Variants in NOL4L observed in about 807,000 individuals in gnomAD.
NOL4L encodes nucleolar protein 4-like.
Under a neutral mutation model 64.5 loss-of-function variants are expected in NOL4L, and 7 were observed. The observed-to-expected ratio is 0.11, with a 90% CI of 0.06 to 0.20. NOL4L has a LOEUF of 0.20. Among genes scored for constraint, NOL4L ranks in the 10% least tolerant of loss-of-function variants. The probability of loss-of-function intolerance (pLI) is 1.00; values close to 1 mark genes in which losing one functional copy is unlikely to be tolerated. For synonymous variants in NOL4L, 413 were observed against 401.0 expected (o/e 1.03, Z -0.36); for missense variants, 680 against 967.1 (o/e 0.70, Z 3.94).
intron 1 of NOL4L, among the ~76,000 whole-genome samples, chr20:32,544,337 A>T (rs2145600389): frequency 6.6e-6 from 1 of 151,888 alleles, no homozygotes; most frequent in Non-Finnish European, 1.5e-5. Flanking sequence ...AGGGGTACAA[A>T]GAGGCATGGG....
intron 2 of NOL4L, among the ~76,000 whole-genome samples, chr20:32,521,990 C>G (rs549281628): frequency 1.3e-5 from 2 of 152,372 alleles, no homozygotes; most frequent in South Asian, 4.1e-4. Flanking sequence ...GCGCTTGGCC[C>G]CGCCTTCCCA....
At chr20:32,494,253 G>GAAAAAAAA (rs566317193) in intron 4 of NOL4L, among the ~76,000 whole-genome samples, 2 of 22,058 alleles carry the variant, frequency 9.1e-5, no homozygotes, top group Non-Finnish European at 1.8e-4. Flanking sequence ...ATAATCTCGG[G>GAAAAAAAA]AAAAAAAAAA....
At position 32,447,616 on chromosome 20, in the gene NOL4L, G is replaced by T; in HGVS notation, c.2023C>A (p.Leu675Ile). ...LLRSADELENLILQQN is the reference protein window; with the variant it reads ...LLRSADELENIILQQN ...TGGGGTCAGTTCTGCTGTAGGATGA[G>T]GTTTTCCAGTTCATCTGCAGAGCGC... Residue 675 changes from leucine (L) to isoleucine (I), a missense_variant, in exon 11 of 11, where the codon CTC becomes ATC. Physicochemically the swap from Leu to Ile is conservative, Grantham distance 5 (BLOSUM62 2). Around this residue, in one of 4 missense-constraint regions of NOL4L, gnomAD observed 175 missense variants for 227.0 expected, o/e 0.77. Transcript: ENST00000621426. 1 of 1,604,088 alleles carries T rather than the reference G, an allele frequency of 6.2e-7. No individual in the cohort carries two copies. Among genetic ancestry groups the T allele is most frequent in the Non-Finnish European group, 8.5e-7 (1 of 1,179,274 alleles).
chr20:32,536,945 G>T, intron 1 of NOL4L: 1 of 550,348 alleles, frequency 1.8e-6, no homozygotes, highest in Non-Finnish European at 2.3e-6. Context: ...CTCACCTGGA[G>T]ACCGCGCCCG....
In NOL4L at chr20:32,468,225, C is replaced by T. The variant is rs536504897; in HGVS notation, c.841+6376G>A. On this transcript the variant is annotated intron_variant, in intron 5 of 10. Transcript: ENST00000621426. ...GCCTACAGGATGCCACATATTGGGCCCGACCACTCCATCCTCCCAGAACCC... is the reference window on the plus strand; with the variant it reads ...GCCTACAGGATGCCACATATTGGGCTCGACCACTCCATCCTCCCAGAACCC... Among the ~76,000 whole-genome samples, 6 of 152,266 alleles carry T rather than the reference C, an allele frequency of 3.9e-5. No individual in the cohort carries two copies. The South Asian group carries it at 1.2e-3, about 32-fold the overall frequency.
rs1212338485 is a variant in NOL4L, at chr20:32,584,840, G to A, written c.51C>T (p.Ser17=). Residue 17 remains serine, a synonymous_variant, in exon 1 of 11, where the codon AGC becomes AGT. Coordinates refer to ENST00000621426, the MANE Select transcript of NOL4L (RefSeq NM_001256798.2). ...GGCGGCCCAGCTCCGAGTCCCCGGG[G>A]CTGCGCTCGCGCTCCCAGCCCCCGC... is the stretch of plus-strand genomic sequence containing the variant. ...LLRGGWERER[S]PGDSELGRQF... The A allele has an allele frequency of 1.4e-6, 2 of 1,475,536 alleles. No individual in the cohort carries two copies. The highest frequency in any genetic ancestry group is 1.8e-6 in the Non-Finnish European group (2 of 1,110,618). The allele number at this position is 1,475,536 out of a possible 1,614,324, so 91.4% of individuals were successfully genotyped here. A position where few individuals can be genotyped will look rare whatever the true frequency, so the allele number is the denominator to read the frequency against.
chr20:32,557,225 TC>T (rs1978711674), intron 1 of NOL4L, among the ~76,000 whole-genome samples: 1 of 152,194 alleles, frequency 6.6e-6, no homozygotes, highest in Non-Finnish European at 1.5e-5. Flanking sequence ...CGAAGCAGCC[TC>T]CCCGCTACCG....
chr20:32,447,876 G>A, intron 10 of NOL4L, 60 bp from the exon 11 acceptor site: 5 of 1,510,734 alleles, frequency 3.3e-6, no homozygotes, highest in Non-Finnish European at 4.4e-6. Context: ...TCTGGGAGGT[G>A]TACCTTCCTT....
At chr20:32,521,498 G>A (rs941482289) in intron 2 of NOL4L, among the ~76,000 whole-genome samples, 6 of 152,146 alleles carry the variant, frequency 3.9e-5, no homozygotes, top group Non-Finnish European at 8.8e-5. Context: ...GGCTTGGAGA[G>A]GTGAGCTGAC....
At chr20:32,535,879 TACTGTCCAGCATCCCCGG>T (rs2018505019) in intron 1 of NOL4L, 1 of 983,448 alleles carries the variant, frequency 1.0e-6, no homozygotes, top group Admixed American at 6.2e-5. Flanking sequence ...GAGGGAGGAG[TACTGTCCAGCATCCCCGG>T]ACGGACAGGC....
intron 1 of NOL4L, among the ~76,000 whole-genome samples, chr20:32,562,264 C>T (rs1979071686): frequency 6.6e-6 from 1 of 152,194 alleles, no homozygotes; most frequent in African/African-American, 2.4e-5. Flanking sequence ...ACCCGCCCAT[C>T]AGGCTTCCGG....
At chr20:32,527,201 CTTG>C (rs1444997535) in intron 2 of NOL4L, among the ~76,000 whole-genome samples, 2 of 152,142 alleles carry the variant, frequency 1.3e-5, no homozygotes, top group Non-Finnish European at 2.9e-5. Flanking sequence ...TCTCATGTAT[CTTG>C]TTTTTGCTCT....
At chr20:32,461,977 C>T (rs773055265) in intron 5 of NOL4L, among the ~76,000 whole-genome samples, 5 of 151,936 alleles carry the variant, frequency 3.3e-5, no homozygotes, top group Admixed American at 6.5e-5. Context: ...TTCCTGGGCT[C>T]GCCGGGGTGA....
At position 32,579,222 on chromosome 20, in the gene NOL4L, G is replaced by A. The variant is rs369012737; in HGVS notation, c.321+5348C>T. ...CATAGATGCCGACAAACACGCAGAG[G>A]AGCCTCTCCACCTGTGCCCTGCACA... is the stretch of plus-strand genomic sequence containing the variant. On this transcript the variant is annotated intron_variant, in intron 1 of 10. Coordinates refer to ENST00000621426, the MANE Select transcript of NOL4L (RefSeq NM_001256798.2). 5.3e-5 allele frequency among the ~76,000 whole-genome samples: 8 copies of A among 152,284 alleles called. No individual in the cohort carries two copies. The East Asian group carries it at 5.8e-4, about 11-fold the overall frequency.
At chr20:32,448,136 A>C (rs1308241150) in intron 10 of NOL4L, among the ~76,000 whole-genome samples, 4 of 152,180 alleles carry the variant, frequency 2.6e-5, no homozygotes, top group East Asian at 1.9e-4. Flanking sequence ...GGAATGGGAA[A>C]TACTACTTCC....
intron 5 of NOL4L, among the ~76,000 whole-genome samples, chr20:32,473,901 G>A (rs766349961): frequency 9.9e-5 from 15 of 152,180 alleles, no homozygotes; most frequent in Non-Finnish European, 1.5e-4. Context: ...CACAACCCTG[G>A]CACACCAAGG....
rs1172349125 is a variant in NOL4L at position 32,474,656 on chromosome 20, G to A, written c.786C>T (p.Ser262=). 6.2e-7 allele frequency: 1 copy of A among 1,613,768 alleles called. No individual in the cohort carries two copies. The highest frequency in any genetic ancestry group is 2.2e-5 in the East Asian group (1 of 44,876). ...SADPHLASSL[S]PSQDERMRSP... is the part of the protein sequence containing the mutation. ...TCCGCATCCTCTCGTCCTGGCTGGG[G>A]CTCAGGCTGGAGGCCAGGTGCGGGT... The change falls in exon 5 of 11, where the codon AGC becomes AGT. Residue 262 remains serine (S), a synonymous_variant. Coordinates refer to ENST00000621426, the MANE Select transcript of NOL4L (RefSeq NM_001256798.2).
At chr20:32,583,109 G>C (rs1437602558) in intron 1 of NOL4L, among the ~76,000 whole-genome samples, 1 of 152,062 alleles carries the variant, frequency 6.6e-6, no homozygotes, top group African/African-American at 2.4e-5. Flanking sequence ...GGTCCGGCCG[G>C]AGGCGGCAGC....
At chr20:32,546,993 A>G (rs1156898167) in intron 1 of NOL4L, among the ~76,000 whole-genome samples, 1 of 152,228 alleles carries the variant, frequency 6.6e-6, no homozygotes, top group Non-Finnish European at 1.5e-5. Flanking sequence ...TTGGGCATTC[A>G]CTAACTTTCA....
Sources: gnomAD v4.1 joint callset for allele counts (sites outside exome capture counted in the v4.1 genomes callset) on GRCh38, gnomAD v4.1.1 for gene constraint, gnomAD v4.1.1 regional missense constraint, MANE v1.5 for transcripts, NCBI Gene and HGNC (gene_info 2026-07-23, HGNC 2026-07-21) for gene names.